FRMD4A: variants seen among roughly 807,000 people sequenced by gnomAD.
The protein encoded by FRMD4A is FERM domain containing 4A, also known as FERM domain-containing protein 4A.
FRMD4A carries 29 observed loss-of-function variants against 129.1 expected under a neutral mutation model. The ratio of observed to expected loss-of-function variants is 0.22; its 90% CI spans 0.17 to 0.31. The LOEUF is 0.31. Ranked by LOEUF, FRMD4A falls within the 10% of genes least tolerant of loss-of-function variation. The probability of loss-of-function intolerance (pLI) is 1.00; values close to 1 mark genes in which losing one functional copy is unlikely to be tolerated. For synonymous variants in FRMD4A, 634 were observed against 571.6 expected, an observed-to-expected ratio of 1.11 and a Z score of -1.56; for missense variants, 1,272 against 1,375.8, an observed-to-expected ratio of 0.92 and a Z score of 1.19.
intron 2 of FRMD4A, among the ~76,000 whole-genome samples, chr10:13,959,112 T>A (rs2095429353): frequency 1.3e-5 from 2 of 152,156 alleles, no homozygotes; most frequent in Non-Finnish European, 2.9e-5. Context: ...AGTATGAGAA[T>A]CCCTTCTCAG....
intron 2 of FRMD4A, among the ~76,000 whole-genome samples, chr10:14,041,121 G>C (rs985347205): frequency 6.6e-6 from 1 of 152,178 alleles, no homozygotes; most frequent in Non-Finnish European, 1.5e-5. Flanking sequence ...AAGTCGTAGA[G>C]TATATGGGGT....
chr10:14,139,034 T>C (rs567663604), intron 2 of FRMD4A, among the ~76,000 whole-genome samples: 59 of 152,354 alleles, frequency 3.9e-4, no homozygotes, highest in African/African-American at 1.3e-3. Context: ...GATCTTGCTC[T>C]AATGCAATGA....
intron 2 of FRMD4A, among the ~76,000 whole-genome samples, chr10:14,226,945 A>C (rs1442015521): frequency 6.6e-6 from 1 of 152,110 alleles, no homozygotes. Context: ...TTGCCCTTAA[A>C]GTACTTCAAC....
intron 5 of FRMD4A, among the ~76,000 whole-genome samples, chr10:13,788,691 C>G (rs2092924957): frequency 6.6e-6 from 1 of 152,178 alleles, no homozygotes; most frequent in Non-Finnish European, 1.5e-5. Flanking sequence ...AAGCAACAGC[C>G]CACCCAAACT....
chr10:13,965,240 C>T (rs1410604320), intron 2 of FRMD4A, among the ~76,000 whole-genome samples: 1 of 152,116 alleles, frequency 6.6e-6, no homozygotes, highest in Non-Finnish European at 1.5e-5. Flanking sequence ...AATGCCGACT[C>T]GCCCACCTTG....
At chr10:14,125,761 G>A (rs764035182) in intron 2 of FRMD4A, among the ~76,000 whole-genome samples, 3 of 151,954 alleles carry the variant, frequency 2.0e-5, no homozygotes, top group South Asian at 2.1e-4. Flanking sequence ...ATGCGCACGC[G>A]CACACATACA....
At chr10:13,781,815 G>A (rs1362343652) in intron 6 of FRMD4A, among the ~76,000 whole-genome samples, 8 of 80,066 alleles carry the variant, frequency 1.0e-4, no homozygotes, top group Non-Finnish European at 1.6e-4. Flanking sequence ...GCCAGTGGCT[G>A]AGGAAAACGG....
intron 2 of FRMD4A, among the ~76,000 whole-genome samples, chr10:14,171,022 T>TG (rs201045047): frequency 4.8e-3 from 251 of 52,668 alleles, no homozygotes; most frequent in African/African-American, 0.017. Flanking sequence ...GAGTTTTTTT[T>TG]TTTGTTTATT....
chr10:13,699,052 A>AT (rs1481334058), intron 14 of FRMD4A, among the ~76,000 whole-genome samples: 1 of 112,532 alleles, frequency 8.9e-6, no homozygotes, highest in Non-Finnish European at 1.8e-5. Flanking sequence ...ATCTACAATA[A>AT]TCTTTTTTTT....
At chr10:14,033,140 C>A (rs543787165) in intron 2 of FRMD4A, among the ~76,000 whole-genome samples, 1 of 152,158 alleles carries the variant, frequency 6.6e-6, no homozygotes, top group East Asian at 1.9e-4. Context: ...AACCCTGTCT[C>A]TACTAAAAAT....
At chr10:13,995,771 A>G (rs2095620351) in intron 2 of FRMD4A, among the ~76,000 whole-genome samples, 2 of 151,350 alleles carry the variant, frequency 1.3e-5, no homozygotes, top group African/African-American at 2.4e-5. Flanking sequence ...ACACCATTCT[A>G]CGTTGTTGAT....
intron 2 of FRMD4A, among the ~76,000 whole-genome samples, chr10:14,275,508 G>A (rs762661135): frequency 9.9e-5 from 15 of 152,212 alleles, no homozygotes; most frequent in Non-Finnish European, 2.1e-4. Context: ...ACAAATGTTA[G>A]GCAGTGCAAA....
rs915660230 is a variant in FRMD4A at position 13,720,717 on chromosome 10, A to G, written c.760-13604T>C. Among the ~76,000 whole-genome samples the G allele has an allele frequency of 4.6e-5, 7 of 152,200 alleles. No homozygotes were observed. The East Asian group carries it at 5.8e-4, about 13-fold the overall frequency. Reference sequence around the variant, plus strand: ...AGGTAGCCAGGGAAGGTGTTGGTGAAGTGACATCGAGTCAATATCAGAAAG... The same window carrying G: ...AGGTAGCCAGGGAAGGTGTTGGTGAGGTGACATCGAGTCAATATCAGAAAG... On this transcript the variant is annotated intron_variant, in intron 12 of 24. Coordinates refer to ENST00000357447, the MANE Select transcript of FRMD4A (RefSeq NM_018027.5).
chr10:14,221,100 A>G (rs535194780), intron 2 of FRMD4A, among the ~76,000 whole-genome samples: 1 of 152,282 alleles, frequency 6.6e-6, no homozygotes, highest in African/African-American at 2.4e-5. Flanking sequence ...CATGCAGCGA[A>G]TGGTGGCAAG....
intron 2 of FRMD4A, among the ~76,000 whole-genome samples, chr10:14,267,091 A>T (rs754211377): frequency 2.6e-5 from 4 of 152,272 alleles, no homozygotes; most frequent in Non-Finnish European, 5.9e-5. Context: ...GAACAAATGT[A>T]CACAAAGAAG....
chr10:13,956,685 T>C (rs2095412001), intron 2 of FRMD4A, among the ~76,000 whole-genome samples: 1 of 152,238 alleles, frequency 6.6e-6, no homozygotes, highest in South Asian at 2.1e-4. Context: ...TGTGGATGTA[T>C]GGCTGTGTAT....
chr10:13,969,325 G>T (rs1003169007), intron 2 of FRMD4A, among the ~76,000 whole-genome samples: 1 of 152,250 alleles, frequency 6.6e-6, no homozygotes. Flanking sequence ...AGACAAGCAC[G>T]AGGCGTGGTT....
At chr10:14,162,525 T>C (rs1467187491) in intron 2 of FRMD4A, among the ~76,000 whole-genome samples, 3 of 151,974 alleles carry the variant, frequency 2.0e-5, no homozygotes, top group Non-Finnish European at 4.4e-5. Flanking sequence ...GAACACGGGG[T>C]CTGATTGAAG....
chr10:13,868,797 T>A (rs2094405230), intron 2 of FRMD4A, among the ~76,000 whole-genome samples: 1 of 151,684 alleles, frequency 6.6e-6, no homozygotes, highest in Non-Finnish European at 1.5e-5. Context: ...AGATCCTGTC[T>A]CAAAAAACAA....
Sources: allele counts gnomAD v4.1 joint callset (sites outside exome capture counted in the v4.1 genomes callset), GRCh38; gene constraint gnomAD v4.1.1; transcripts MANE v1.5; gene names NCBI Gene and HGNC (gene_info 2026-07-23, HGNC 2026-07-21).